The following PJA2 variants were observed in gnomAD, a reference collection of about 807,000 sequenced individuals.
PJA2 encodes the protein E3 ubiquitin-protein ligase Praja-2.
PJA2 carries 25 observed loss-of-function variants against 69.3 expected under a neutral mutation model. The observed-to-expected ratio is 0.36, with a 90% CI of 0.26 to 0.50. The LOEUF is 0.50. Ranked by LOEUF, PJA2 falls within the 20% of genes least tolerant of loss-of-function variation. The pLI, the probability that PJA2 is intolerant of heterozygous loss-of-function variation, is 0.96. For missense variants in PJA2, 809 were observed against 830.2 expected (o/e 0.97, Z 0.31); for synonymous variants, 308 against 277.8 (o/e 1.11, Z -1.08).
intron 4 of PJA2, among the ~76,000 whole-genome samples, chr5:109,376,816 A>G (rs1314778541): frequency 1.3e-5 from 2 of 152,154 alleles, no homozygotes; most frequent in African/African-American, 4.8e-5. Context: ...TAGAACTACT[A>G]CTTAACAAAC....
chr5:109,397,179 A>G (rs895942418), intron 1 of PJA2, among the ~76,000 whole-genome samples: 1 of 152,110 alleles, frequency 6.6e-6, no homozygotes, highest in Non-Finnish European at 1.5e-5. Flanking sequence ...CAAACACTAA[A>G]CCCACTGGCA....
intron 1 of PJA2, among the ~76,000 whole-genome samples, chr5:109,399,003 G>C (rs914303632): frequency 6.6e-6 from 1 of 152,066 alleles, no homozygotes; most frequent in Non-Finnish European, 1.5e-5. Context: ...CCTGAGGTCA[G>C]GAGTTCGAGA....
rs139525140 is a variant in PJA2 at position 109,358,575 on chromosome 5, T to C, written c.1653-2549A>G. Reference sequence around the variant, plus strand: ...GCGGGTCTCAGCAAATCCCAGCACTTTGGGAGGCCGAGGTGGGCGGATCAC... The same window carrying C: ...GCGGGTCTCAGCAAATCCCAGCACTCTGGGAGGCCGAGGTGGGCGGATCAC... On this transcript the variant is annotated intron_variant, in intron 6 of 9. Transcript: ENST00000361189. 7.0e-3 allele frequency among the ~76,000 whole-genome samples: 1,059 copies of C among 152,246 alleles called. 11 individuals are homozygous for C. Among genetic ancestry groups the C allele is most frequent in the African/African-American group, 0.024 (1,000 of 41,554 alleles).
At chr5:109,405,438 G>A (rs1355690549) in intron 1 of PJA2, among the ~76,000 whole-genome samples, 1 of 152,124 alleles carries the variant, frequency 6.6e-6, no homozygotes, top group African/African-American at 2.4e-5. Context: ...AAGCTTTACG[G>A]TAAAGTTAGA....
intron 1 of PJA2, among the ~76,000 whole-genome samples, chr5:109,385,468 G>A (rs181810375): frequency 8.5e-5 from 13 of 152,270 alleles, no homozygotes; most frequent in African/African-American, 1.7e-4. Flanking sequence ...AATTAATGTA[G>A]GAAAAATTGT....
chr5:109,381,124 A>G (rs1204017310), intron 3 of PJA2, among the ~76,000 whole-genome samples: 2 of 152,084 alleles, frequency 1.3e-5, no homozygotes, highest in Non-Finnish European at 2.9e-5. Context: ...AAAAAAAAAA[A>G]AAGAAGAAGA....
At chr5:109,381,972 A>C (rs1747060104) in intron 2 of PJA2, among the ~76,000 whole-genome samples, 1 of 152,168 alleles carries the variant, frequency 6.6e-6, no homozygotes, top group Non-Finnish European at 1.5e-5. Flanking sequence ...AGATTTTTAT[A>C]ATGAAACCTA....
At chr5:109,382,597 C>CA (rs1747075972) in intron 2 of PJA2, among the ~76,000 whole-genome samples, 2 of 152,126 alleles carry the variant, frequency 1.3e-5, no homozygotes, top group Non-Finnish European at 2.9e-5. Context: ...CCTGTAATCC[C>CA]GGTACTTTGG....
rs567030212 is a variant in PJA2 at position 109,409,944 on chromosome 5, G to A, written c.-190C>T. ...ACTCCTCCCCCGCCGAACGCGAAGCGGCTGGCGGCTGTGGCGGCGGCGGCG... is the reference window on the plus strand; with the variant it reads ...ACTCCTCCCCCGCCGAACGCGAAGCAGCTGGCGGCTGTGGCGGCGGCGGCG... On this transcript the variant is annotated 5_prime_UTR_variant, in exon 1 of 10. Transcript: ENST00000361189. The A allele has an allele frequency of 2.4e-5, 5 of 208,680 alleles. No individual in the cohort carries two copies. In the South Asian group the frequency reaches 2.4e-4, roughly 10 times the overall value. The allele number at this position is 208,680 out of a possible 1,614,324, so 12.9% of individuals were successfully genotyped here.
At chr5:109,341,224 T>C (rs1762049031) in intron 9 of PJA2, among the ~76,000 whole-genome samples, 2 of 141,070 alleles carry the variant, frequency 1.4e-5, no homozygotes, top group African/African-American at 2.6e-5. Flanking sequence ...CCATCACATC[T>C]AGGAAGTGAG....
chr5:109,384,425 G>C (rs1216053074), intron 1 of PJA2, among the ~76,000 whole-genome samples: 2 of 152,162 alleles, frequency 1.3e-5, no homozygotes, highest in Non-Finnish European at 2.9e-5. Flanking sequence ...AAGAACTTCT[G>C]TTTTGAAATT....
chr5:109,363,120 T>A, intron 5 of PJA2, 98 bp from the exon 6 acceptor site: 1 of 1,006,564 alleles, frequency 9.9e-7, no homozygotes, highest in Non-Finnish European at 1.4e-6. Flanking sequence ...TCTGTTGAGT[T>A]CTAAGCTCTT....
chr5:109,358,425 T>C (rs1352793167), intron 6 of PJA2, among the ~76,000 whole-genome samples: 1 of 152,120 alleles, frequency 6.6e-6, no homozygotes, highest in African/African-American at 2.4e-5. Flanking sequence ...TGTGGGTAAA[T>C]CTTTGTTTGG....
Position 109,378,672 on chromosome 5 carries a change from T to C in PJA2, c.815A>G (p.Asn272Ser). The change falls in exon 4 of 10, where the codon AAT (asparagine) becomes AGT (serine). Residue 272 changes from asparagine (N) to serine (S), a missense_variant. Asn to Ser is a conservative substitution (Grantham distance 46, BLOSUM62 1). Around this residue, in one of 4 missense-constraint regions of PJA2, gnomAD observed 700 missense variants for 639.5 expected, o/e 1.09. Transcript: ENST00000361189. ...DEMVSTKQQN[N>S]TSQERQTEHS... is the part of the protein sequence containing the mutation. ...TTCTGTCTGTCTTTCCTGGCTAGTA[T>C]TATTTTGTTGTTTCGTACTAACCAT... 6.2e-7 allele frequency: 1 copy of C among 1,614,062 alleles called. No homozygotes were observed. Among genetic ancestry groups the C allele is most frequent in the Non-Finnish European group, 8.5e-7 (1 of 1,180,010 alleles).
intron 1 of PJA2, among the ~76,000 whole-genome samples, chr5:109,391,432 T>C (rs1006024237): frequency 6.6e-6 from 1 of 152,206 alleles, no homozygotes; most frequent in Non-Finnish European, 1.5e-5. Context: ...CTGTCTAAAA[T>C]TGTCTTTGTT....
rs187225247 is a variant in PJA2, at chr5:109,367,832, A to G, written c.1469+729T>C. ...AATTCTTCATGATCAGGGCAAAAGT[A>G]AAAAACCATCATGATCACTTCCATT... is the stretch of plus-strand genomic sequence containing the variant. On this transcript the variant is annotated intron_variant, in intron 5 of 9. Coordinates refer to ENST00000361189, the MANE Select transcript of PJA2 (RefSeq NM_014819.5). Among the ~76,000 whole-genome samples, 399 of 152,366 alleles carry G rather than the reference A, an allele frequency of 2.6e-3. 1 individual carries two copies. In the Middle Eastern group the frequency reaches 0.027, roughly 10 times the overall value.
At chr5:109,369,575 T>C (rs777405501) in intron 4 of PJA2, among the ~76,000 whole-genome samples, 1 of 152,254 alleles carries the variant, frequency 6.6e-6, no homozygotes, top group Admixed American at 6.5e-5. Context: ...ACTAATGACA[T>C]ATTTTCTATG....
chr5:109,399,013 ACCAGCC>A (rs1747481288), intron 1 of PJA2, among the ~76,000 whole-genome samples: 1 of 152,062 alleles, frequency 6.6e-6, no homozygotes, highest in Non-Finnish European at 1.5e-5. Context: ...GGAGTTCGAG[ACCAGCC>A]TGGCCAACAT....
chr5:109,385,854 A>G (rs979315258), intron 1 of PJA2, among the ~76,000 whole-genome samples: 4 of 152,218 alleles, frequency 2.6e-5, no homozygotes, highest in African/African-American at 9.6e-5. Flanking sequence ...TGGGGATGAC[A>G]TCCAAGTCTA....
Sources: gnomAD v4.1 joint callset for allele counts (sites outside exome capture counted in the v4.1 genomes callset) on GRCh38, gnomAD v4.1.1 for gene constraint, gnomAD v4.1.1 regional missense constraint, MANE v1.5 for transcripts, NCBI Gene and HGNC (gene_info 2026-07-23, HGNC 2026-07-21) for gene names.